Variants in ZHX3 observed in about 807,000 individuals in gnomAD.
The protein encoded by ZHX3 is zinc fingers and homeoboxes 3.
In ZHX3, 20 loss-of-function variants were observed where a neutral mutation model predicts 64.5. The observed-to-expected ratio is 0.31, with a 90% CI of 0.22 to 0.45. The LOEUF (loss-of-function observed/expected upper bound fraction) is 0.45. Among genes scored for constraint, ZHX3 ranks in the 20% least tolerant of loss-of-function variants. The pLI, the probability that ZHX3 is intolerant of heterozygous loss-of-function variation, is 1.00. For synonymous variants in ZHX3, 423 were observed against 461.6 expected, an observed-to-expected ratio of 0.92 and a Z score of 1.07; for missense variants, 1,041 against 1,195.8, an observed-to-expected ratio of 0.87 and a Z score of 1.91.
chr20:41,275,419 T>C (rs559450841), intron 1 of ZHX3, among the ~76,000 whole-genome samples: 2 of 152,174 alleles, frequency 1.3e-5, no homozygotes, highest in Non-Finnish European at 2.9e-5. Flanking sequence ...GAAGTTTAAG[T>C]TGAAGAGGGC....
intron 1 of ZHX3, among the ~76,000 whole-genome samples, chr20:41,287,217 T>A (rs2043980846): frequency 6.6e-6 from 1 of 152,176 alleles, no homozygotes; most frequent in South Asian, 2.1e-4. Flanking sequence ...TCCTCAGAAC[T>A]CTGCTTAAAT....
chr20:41,223,077 C>T (rs1053646159), intron 2 of ZHX3, among the ~76,000 whole-genome samples: 1 of 152,162 alleles, frequency 6.6e-6, no homozygotes, highest in African/African-American at 2.4e-5. Context: ...CTCAATTTCA[C>T]TCACAGTAAG....
intron 2 of ZHX3, among the ~76,000 whole-genome samples, chr20:41,233,310 T>C (rs1895147079): frequency 6.6e-6 from 1 of 152,240 alleles, no homozygotes; most frequent in African/African-American, 2.4e-5. Flanking sequence ...TACACCCTTC[T>C]TTACTGATCT....
Position 41,203,533 on chromosome 20 carries a change from C to G in ZHX3, c.1384G>C (p.Val462Leu), listed in dbSNP as rs748737198. Residue 462 changes from valine (V) to leucine (L), a missense_variant, in exon 3 of 4, where the codon GTG becomes CTG. Val to Leu is a conservative substitution (Grantham distance 32). This residue lies in a region of ZHX3 where 649 missense variants were observed against 739.8 expected (regional missense o/e 0.88). Transcript: ENST00000683867. This position sits in a 1 kb window ranked among gnomAD's most constrained non-coding sequence, Gnocchi z 7.1. ...KQPGVAPINT[V>L]CSNTTSAVKV... The stretch of plus-strand genomic sequence containing the variant: ...ACAGCTGACGTTGTATTTGAACACA[C>G]AGTGTTAATGGGTGCCACACCTGGC... 9 of 1,614,144 alleles carry G rather than the reference C, an allele frequency of 5.6e-6. No homozygotes were observed. Among genetic ancestry groups the G allele is most frequent in the Non-Finnish European group, 7.6e-6 (9 of 1,179,988 alleles).
intron 2 of ZHX3, among the ~76,000 whole-genome samples, chr20:41,236,475 CA>C (rs1433831096): frequency 2.0e-5 from 3 of 152,196 alleles, no homozygotes; most frequent in Non-Finnish European, 4.4e-5. Context: ...CACATATCTA[CA>C]ACCATCTGAT....
At chr20:41,273,344 T>C (rs1219510976) in intron 1 of ZHX3, among the ~76,000 whole-genome samples, 1 of 152,192 alleles carries the variant, frequency 6.6e-6, no homozygotes, top group Non-Finnish European at 1.5e-5. Flanking sequence ...GATAGCATCC[T>C]TTGCTGCAAA....
chr20:41,234,996 T>A (rs1024394118), intron 2 of ZHX3, among the ~76,000 whole-genome samples: 2 of 152,234 alleles, frequency 1.3e-5, no homozygotes, highest in African/African-American at 2.4e-5. Flanking sequence ...ATACATTGTT[T>A]AGTAGGAAAT....
rs141367782 is a variant in ZHX3, at chr20:41,206,454, C to T, written c.-150-1388G>A. Among the ~76,000 whole-genome samples the T allele has an allele frequency of 3.5e-3, 525 of 152,088 alleles. 5 individuals are homozygous for T. Among genetic ancestry groups the T allele is most frequent in the African/African-American group, 0.012 (507 of 41,510 alleles). On this transcript the variant is annotated intron_variant, in intron 2 of 3. Transcript: ENST00000683867. ...CTAGAATGAACAGTGTAGAGAAGAC[C>T]TTAAATGACCTGATAGAGCTGAAAA...
At chr20:41,288,281 A>C (rs1417661588) in intron 1 of ZHX3, among the ~76,000 whole-genome samples, 2 of 152,272 alleles carry the variant, frequency 1.3e-5, no homozygotes, top group East Asian at 3.9e-4. Context: ...TGGCATCCCA[A>C]AGTGGTGGAA....
rs778404616 is a variant in ZHX3 at position 41,185,233 on chromosome 20, G to A, written c.2861-32C>T. 1.8e-5 allele frequency: 29 copies of A among 1,579,448 alleles called. No homozygotes were observed. Among genetic ancestry groups the A allele is most frequent in the African/African-American group, 2.7e-5 (2 of 74,438 alleles). ...AGAAAACACATGCCTGTCACTCTAC[G>A]GCAGCTGCCACCACCTGCCCCCCAG... On this transcript the variant is annotated intron_variant, in intron 3 of 3. Transcript: ENST00000683867. This position sits in a 1 kb window ranked among gnomAD's most constrained non-coding sequence, Gnocchi z 5.0.
In ZHX3 at chr20:41,232,280, C is replaced by T. The variant is rs371896930; in HGVS notation, c.-150-27214G>A. ...AGAAAGAATATTGAAAATGGACTTA[C>T]GCTGCAGCATAAAAAAAAAAAAAAG... is the stretch of plus-strand genomic sequence containing the variant. On this transcript the variant is annotated intron_variant, in intron 2 of 3. Coordinates refer to ENST00000683867, the MANE Select transcript of ZHX3 (RefSeq NM_001384317.1). The surrounding 1 kb of genome is among the most constrained non-coding windows in gnomAD (Gnocchi z 5.0). Among the ~76,000 whole-genome samples, 2 of 150,152 alleles carry T rather than the reference C, an allele frequency of 1.3e-5. No homozygotes were observed. The highest frequency in any genetic ancestry group is 2.1e-4 in the South Asian group (1 of 4,778).
rs2038579081 is a variant in ZHX3 at position 41,204,920 on chromosome 20, G to C, written c.-4C>G. 6.5e-7 allele frequency: 1 copy of C among 1,527,412 alleles called. No individual in the cohort carries two copies. Among genetic ancestry groups the C allele is most frequent in the African/African-American group, 1.4e-5 (1 of 72,128 alleles). 94.6% of individuals were successfully genotyped at this position (1,527,412 alleles called of 1,614,324 possible). The stretch of plus-strand genomic sequence containing the variant: ...TGGATTTCCTCTTGCTGGCCATGGT[G>C]ACAATCACTGGGTGATCAGCAGTTG... On this transcript the variant is annotated 5_prime_UTR_variant, in exon 3 of 4. Coordinates refer to ENST00000683867, the MANE Select transcript of ZHX3 (RefSeq NM_001384317.1). The surrounding 1 kb of genome is among the most constrained non-coding windows in gnomAD (Gnocchi z 6.6).
At chr20:41,273,196 C>G (rs925048236) in intron 1 of ZHX3, among the ~76,000 whole-genome samples, 6 of 152,248 alleles carry the variant, frequency 3.9e-5, no homozygotes, top group African/African-American at 1.4e-4. Context: ...AATGTCTATT[C>G]AAGTCCCTTG....
chr20:41,294,339 T>C (rs1181223416), intron 1 of ZHX3, among the ~76,000 whole-genome samples: 1 of 152,212 alleles, frequency 6.6e-6, no homozygotes, highest in African/African-American at 2.4e-5. Context: ...AAATGATGTC[T>C]AAGTTCTCAT....
chr20:41,243,876 GGAAAACTTAAGA>G (rs2041535655), intron 2 of ZHX3, among the ~76,000 whole-genome samples: 1 of 152,078 alleles, frequency 6.6e-6, no homozygotes, highest in Non-Finnish European at 1.5e-5. Flanking sequence ...TGAGGATGAA[GGAAAACTTAAGA>G]GATGTGAAGC....
At chr20:41,237,146 C>A (rs529753976) in intron 2 of ZHX3, among the ~76,000 whole-genome samples, 1 of 152,288 alleles carries the variant, frequency 6.6e-6, no homozygotes, top group South Asian at 2.1e-4. Context: ...AAAATAGGAA[C>A]ACTTTTACAC....
intron 2 of ZHX3, among the ~76,000 whole-genome samples, chr20:41,238,992 C>CTTTTTT (rs36076017): frequency 4.6e-5 from 4 of 86,326 alleles, no homozygotes; most frequent in African/African-American, 2.0e-4. Context: ...TTTTCTCTCT[C>CTTTTTT]TTTTTTTTTT....
At chr20:41,308,767 T>A (rs1322031897) in intron 1 of ZHX3, among the ~76,000 whole-genome samples, 1 of 152,208 alleles carries the variant, frequency 6.6e-6, no homozygotes, top group African/African-American at 2.4e-5. Flanking sequence ...AGTATCATAA[T>A]ATTAAATATC....
intron 1 of ZHX3, among the ~76,000 whole-genome samples, chr20:41,277,325 A>C (rs2043431621): frequency 6.6e-6 from 1 of 152,298 alleles, no homozygotes; most frequent in African/African-American, 2.4e-5. Context: ...TTATTCAACT[A>C]TATACTTTTT....
Sources: gnomAD v4.1 joint callset for allele counts (sites outside exome capture counted in the v4.1 genomes callset) on GRCh38, gnomAD v4.1.1 for gene constraint, gnomAD v4.1.1 regional missense constraint, Gnocchi (gnomAD v3.1) non-coding constraint, MANE v1.5 for transcripts, NCBI Gene and HGNC (gene_info 2026-07-23, HGNC 2026-07-21) for gene names.